Variants in PPIL6 observed in about 807,000 individuals in gnomAD.
PPIL6 encodes peptidylprolyl isomerase like 6.
A neutral mutation model predicts 36.8 loss-of-function variants in PPIL6; 39 were observed. That is an observed-to-expected ratio of 1.06 (90% CI 0.82 to 1.38). The LOEUF (loss-of-function observed/expected upper bound fraction) is 1.38. PPIL6 is among the 40% of genes most tolerant of loss of function. The pLI, the probability that PPIL6 is intolerant of heterozygous loss-of-function variation, is 0.00. For missense variants in PPIL6, 368 were observed against 379.1 expected (o/e 0.97, Z 0.24); for synonymous variants, 123 against 134.1 (o/e 0.92, Z 0.57).
chr6:109,437,548 CTTTTTTTTT>C (rs71551374), intron 1 of PPIL6, among the ~76,000 whole-genome samples: 12,500 of 98,490 alleles, frequency 0.13, 1,552 homozygotes, highest in African/African-American at 0.37. Flanking sequence ...TATTTCTTTT[CTTTTTTTTT>C]TTTTTTTTTT....
chr6:109,421,798 G>T (rs890165166), intron 5 of PPIL6, among the ~76,000 whole-genome samples: 13 of 152,110 alleles, frequency 8.5e-5, no homozygotes, highest in Admixed American at 8.5e-4. Context: ...CAGCACTTTG[G>T]GAGGCCGAGG....
rs1041934062 is a variant in PPIL6, at chr6:109,402,304, G to A, written c.689-2134C>T. Among the ~76,000 whole-genome samples, 7 of 152,158 alleles carry A rather than the reference G, an allele frequency of 4.6e-5. No homozygotes were observed. In the South Asian group the frequency reaches 6.2e-4, roughly 13 times the overall value. On this transcript the variant is annotated intron_variant, in intron 6 of 7. Transcript: ENST00000521072. ...TAATCCCAGCACTTTGGGAGGCCAA[G>A]GTGGGTGGGTCGCTTGAGGCCAGGA... is the stretch of plus-strand genomic sequence containing the variant.
At chr6:109,431,043 C>A in intron 3 of PPIL6, 114 bp downstream of exon 3, 1 of 770,990 alleles carries the variant, frequency 1.3e-6, no homozygotes, top group East Asian at 2.5e-5. Flanking sequence ...AGGCTTTAAA[C>A]TTAGTCTCCT....
rs1184520192 is a variant in PPIL6 at position 109,392,061 on chromosome 6, A to C, written c.*765T>G. 1 of 152,236 alleles carries C rather than the reference A, an allele frequency of 6.6e-6. No individual in the cohort carries two copies. Among genetic ancestry groups the C allele is most frequent in the Non-Finnish European group, 1.5e-5 (1 of 68,036 alleles). 9.4% of individuals were successfully genotyped at this position (152,236 alleles called of 1,614,324 possible). A position where few individuals can be genotyped will look rare whatever the true frequency, so the allele number is the denominator to read the frequency against. ...AAAATTCTCAACCAACAGTAACATA[A>C]ACAACACAACACAGGGCTCTGTTAG... On this transcript the variant is annotated 3_prime_UTR_variant, in exon 8 of 8. Coordinates refer to ENST00000521072, the MANE Select transcript of PPIL6 (RefSeq NM_173672.5).
At chr6:109,430,032 A>T (rs1307942210) in intron 3 of PPIL6, among the ~76,000 whole-genome samples, 1 of 152,178 alleles carries the variant, frequency 6.6e-6, no homozygotes, top group Non-Finnish European at 1.5e-5. Context: ...TTTGAACATT[A>T]AATGCCTCCC....
intron 5 of PPIL6, among the ~76,000 whole-genome samples, chr6:109,421,653 G>A (rs1419638555): frequency 6.6e-6 from 1 of 152,128 alleles, no homozygotes; most frequent in African/African-American, 2.4e-5. Context: ...CTGAAGAAAC[G>A]TCTTATGAAT....
intron 5 of PPIL6, among the ~76,000 whole-genome samples, chr6:109,424,663 A>G (rs1773724917): frequency 6.6e-6 from 1 of 152,236 alleles, no homozygotes; most frequent in Non-Finnish European, 1.5e-5. Context: ...CACAAGATAC[A>G]GGTCATTAAG....
At chr6:109,414,969 G>A (rs1369604898) in intron 6 of PPIL6, among the ~76,000 whole-genome samples, 1 of 152,096 alleles carries the variant, frequency 6.6e-6, no homozygotes, top group African/African-American at 2.4e-5. Context: ...ATGTTATAAA[G>A]AAAATCATAA....
Position 109,410,644 on chromosome 6 carries a change from C to T in PPIL6, c.688+8543G>A, listed in dbSNP as rs1039827982. On this transcript the variant is annotated intron_variant, in intron 6 of 7. Coordinates refer to ENST00000521072, the MANE Select transcript of PPIL6 (RefSeq NM_173672.5). ...AAATTGGGTATCTATATCTCTAGCG[C>T]ACTAATGATTCTATCTTTTGCATTC... Among the ~76,000 whole-genome samples the T allele has an allele frequency of 2.0e-5, 3 of 152,132 alleles. 1 individual carries two copies. The highest frequency in any genetic ancestry group is 6.3e-3 in the Middle Eastern group (2 of 316).
intron 1 of PPIL6, among the ~76,000 whole-genome samples, chr6:109,438,733 C>T (rs1031818038): frequency 6.6e-6 from 1 of 151,762 alleles, no homozygotes; most frequent in African/African-American, 2.4e-5. Context: ...GGATTACAGG[C>T]GCCCGCCACC....
chr6:109,395,050 G>C (rs903972289), intron 7 of PPIL6, among the ~76,000 whole-genome samples: 7 of 152,120 alleles, frequency 4.6e-5, no homozygotes, highest in African/African-American at 1.7e-4. Context: ...CCAAATCCTA[G>C]GAGTTACTCT....
In PPIL6 at chr6:109,419,201, C is replaced by T. The variant is rs1415316067; in HGVS notation, c.674G>A (p.Gly225Asp). Residue 225 changes from glycine to aspartate, a missense_variant, in exon 6 of 8, where the codon GGT becomes GAT. Coordinates refer to ENST00000521072, the MANE Select transcript of PPIL6 (RefSeq NM_173672.5). Reference protein sequence around the residue: ...GKGDNGESIYGPTFEDENFSV... With the variant: ...GKGDNGESIYDPTFEDENFSV... ...AAGATACATACCTTCAAATGTTGGA[C>T]CATAAATCGACTCTCCATTATCTCC... 25 of 1,561,290 alleles carry T rather than the reference C, an allele frequency of 1.6e-5. No individual in the cohort carries two copies. The highest frequency in any genetic ancestry group is 2.7e-5 in the African/African-American group (2 of 73,780).
intron 6 of PPIL6, among the ~76,000 whole-genome samples, chr6:109,415,872 G>A (rs918260216): frequency 3.3e-5 from 5 of 152,128 alleles, no homozygotes; most frequent in African/African-American, 1.2e-4. Flanking sequence ...GATGCCTTTG[G>A]TGTTGAACTC....
rs756155082 is a variant in PPIL6 at position 109,392,814 on chromosome 6, T to C, written c.*12A>G. The C allele has an allele frequency of 2.6e-5, 35 of 1,325,230 alleles. No individual in the cohort carries two copies. The East Asian group carries it at 2.8e-4, about 11-fold the overall frequency. 82.1% of individuals were successfully genotyped at this position (1,325,230 alleles called of 1,614,324 possible). On this transcript the variant is annotated 3_prime_UTR_variant, in exon 8 of 8. Coordinates refer to ENST00000521072, the MANE Select transcript of PPIL6 (RefSeq NM_173672.5). ...AAGTAATAAATTATCACAGAAAATA[T>C]TGATATGAAAATCAAGCATAAGGAT...
At chr6:109,431,658 A>G (rs1406913294) in intron 2 of PPIL6, among the ~76,000 whole-genome samples, 1 of 152,234 alleles carries the variant, frequency 6.6e-6, no homozygotes, top group Non-Finnish European at 1.5e-5. Flanking sequence ...AGGCATTTAA[A>G]ATGTAATAGC....
At chr6:109,437,602 T>C (rs1774523411) in intron 1 of PPIL6, among the ~76,000 whole-genome samples, 1 of 141,604 alleles carries the variant, frequency 7.1e-6, no homozygotes, top group Non-Finnish European at 1.5e-5. Flanking sequence ...TTGCCCAGGA[T>C]GGAGTGCAGC....
intron 5 of PPIL6, among the ~76,000 whole-genome samples, chr6:109,419,672 G>A (rs1773441985): frequency 2.0e-5 from 3 of 151,700 alleles, no homozygotes; most frequent in South Asian, 2.1e-4. Context: ...GCGGTGAGCC[G>A]AGATTGCGCC....
At chr6:109,410,161 G>A (rs1220893062) in intron 6 of PPIL6, among the ~76,000 whole-genome samples, 3 of 152,184 alleles carry the variant, frequency 2.0e-5, no homozygotes, top group Admixed American at 6.5e-5. Context: ...CCATGTGGAA[G>A]ATCAGTTGGC....
chr6:109,438,009 T>C (rs1774550345), intron 1 of PPIL6, among the ~76,000 whole-genome samples: 1 of 152,272 alleles, frequency 6.6e-6, no homozygotes, highest in South Asian at 2.1e-4. Flanking sequence ...TATTTGTTCC[T>C]ATTCTCTACA....
Sources: allele counts gnomAD v4.1 joint callset (sites outside exome capture counted in the v4.1 genomes callset), GRCh38; gene constraint gnomAD v4.1.1; transcripts MANE v1.5; gene names NCBI Gene and HGNC (gene_info 2026-07-23, HGNC 2026-07-21).